AFAP1: variants seen among roughly 807,000 people sequenced by gnomAD.
AFAP1 encodes actin filament associated protein 1.
In AFAP1, 75 loss-of-function variants were observed where a neutral mutation model predicts 93.9. The ratio of observed to expected loss-of-function variants is 0.80; its 90% CI spans 0.66 to 0.97. AFAP1 has a LOEUF of 0.97. Among genes scored for constraint, AFAP1 ranks in the 50% least tolerant of loss-of-function variants. AFAP1 has a pLI of 0.00. For synonymous variants in AFAP1, 517 were observed against 430.7 expected, an observed-to-expected ratio of 1.20 and a Z score of -2.48; for missense variants, 1,201 against 1,050.8, an observed-to-expected ratio of 1.14 and a Z score of -1.98.
chr4:7,867,701 G>A (rs62289333), intron 3 of AFAP1, among the ~76,000 whole-genome samples: 47,075 of 151,986 alleles, frequency 0.31, 8,942 homozygotes, highest in Non-Finnish European at 0.44. Flanking sequence ...GATAAGAAGC[G>A]TTAGGGGTTC....
intron 1 of AFAP1, among the ~76,000 whole-genome samples, chr4:7,925,708 G>A (rs573866976): frequency 6.6e-6 from 1 of 152,180 alleles, no homozygotes; most frequent in African/African-American, 2.4e-5. Flanking sequence ...AGCCAGGCAT[G>A]GTGGCGCATG....
At chr4:7,763,942 A>C (rs1199807529) in intron 17 of AFAP1, 151 bp from the exon 18 acceptor site, 5 of 724,870 alleles carry the variant, frequency 6.9e-6, no homozygotes, top group African/African-American at 1.7e-5. Context: ...CGGCAATTCC[A>C]CTGCTAGGTA....
intron 1 of AFAP1, among the ~76,000 whole-genome samples, chr4:7,884,624 G>A (rs534893558): frequency 6.6e-6 from 1 of 152,122 alleles, no homozygotes; most frequent in East Asian, 1.9e-4. Flanking sequence ...GGGACAACTG[G>A]TAACTATTTG....
At chr4:7,823,485 T>C (rs1721154898) in intron 6 of AFAP1, among the ~76,000 whole-genome samples, 1 of 152,068 alleles carries the variant, frequency 6.6e-6, no homozygotes, top group African/African-American at 2.4e-5. Flanking sequence ...ATCTGGCACA[T>C]ACGCACTTCC....
intron 1 of AFAP1, among the ~76,000 whole-genome samples, chr4:7,873,984 C>T (rs960291263): frequency 6.6e-6 from 1 of 152,198 alleles, no homozygotes; most frequent in South Asian, 2.1e-4. Context: ...TTTGTATCCA[C>T]CCCATAAGAG....
chr4:7,819,773 A>C (rs953201409), intron 6 of AFAP1, among the ~76,000 whole-genome samples: 1 of 152,210 alleles, frequency 6.6e-6, no homozygotes, highest in African/African-American at 2.4e-5. Flanking sequence ...GACAGACCCT[A>C]GGAGCATTTC....
intron 1 of AFAP1, among the ~76,000 whole-genome samples, chr4:7,935,672 T>C (rs1031068050): frequency 1.3e-5 from 2 of 152,168 alleles, no homozygotes; most frequent in Admixed American, 6.5e-5. Flanking sequence ...GTCCTTACTA[T>C]GAAACACTCC....
intron 8 of AFAP1, among the ~76,000 whole-genome samples, chr4:7,812,004 C>T (rs1390442540): frequency 3.3e-5 from 5 of 150,564 alleles, no homozygotes; most frequent in African/African-American, 4.9e-5. Context: ...AGCGCCGAGA[C>T]TGGCTTTCGA....
intron 1 of AFAP1, among the ~76,000 whole-genome samples, chr4:7,878,090 T>G (rs1200341547): frequency 6.6e-6 from 1 of 152,236 alleles, no homozygotes; most frequent in Non-Finnish European, 1.5e-5. Flanking sequence ...GGGAAGAAGT[T>G]CTTGCAACCA....
Position 7,786,198 on chromosome 4 carries a change from C to T in AFAP1, c.1526G>A (p.Gly509Asp). Residue 509 changes from glycine (G) to aspartate (D), a missense_variant, in exon 12 of 18, where the codon GGC (glycine) becomes GAC (aspartate). Physicochemically the swap from Gly to Asp is moderately conservative, Grantham distance 94 (BLOSUM62 -1). Coordinates refer to ENST00000420658, the MANE Select transcript of AFAP1 (RefSeq NM_001134647.2). ...CTCCAAAAAAAGGGCACTCACCGAG[C>T]CGTTGATGCACGGGACATCGTCATA... ...LHYDDVPCIN[G>D]SWEPEDGFPA... The T allele has an allele frequency of 3.1e-6, 5 of 1,613,424 alleles. No individual in the cohort carries two copies. The highest frequency in any genetic ancestry group is 4.2e-6 in the Non-Finnish European group (5 of 1,179,606).
At chr4:7,900,787 T>C (rs1439475574) in intron 1 of AFAP1, among the ~76,000 whole-genome samples, 2 of 152,216 alleles carry the variant, frequency 1.3e-5, no homozygotes, top group Non-Finnish European at 2.9e-5. Context: ...AGCATTGCAA[T>C]AATTCACTGA....
chr4:7,819,711 C>T (rs887610227), intron 6 of AFAP1, among the ~76,000 whole-genome samples: 1 of 152,084 alleles, frequency 6.6e-6, no homozygotes, highest in Admixed American at 6.5e-5. Flanking sequence ...AGAGGGAGAA[C>T]GTGGTAGGAG....
At chr4:7,807,022 A>C (rs987952557) in intron 9 of AFAP1, among the ~76,000 whole-genome samples, 8 of 152,172 alleles carry the variant, frequency 5.3e-5, no homozygotes, top group African/African-American at 1.9e-4. Flanking sequence ...GTTGGGTCAG[A>C]GGCTGTCTCT....
At chr4:7,859,276 G>A (rs1015867550) in intron 3 of AFAP1, among the ~76,000 whole-genome samples, 1 of 152,156 alleles carries the variant, frequency 6.6e-6, no homozygotes, top group Middle Eastern at 3.4e-3. Flanking sequence ...AAAATTAGCC[G>A]AGTGTGGTGG....
chr4:7,772,053 A>C (rs1245152586), intron 16 of AFAP1, among the ~76,000 whole-genome samples: 1 of 152,136 alleles, frequency 6.6e-6, no homozygotes, highest in Non-Finnish European at 1.5e-5. Flanking sequence ...CAGGCTCAGC[A>C]TTTTACTGAG....
Position 7,925,853 on chromosome 4 carries a change from A to AAAAG in AFAP1, c.-3+13799_-3+13802dup, listed in dbSNP as rs113529731. On this transcript the variant is annotated intron_variant, in intron 1 of 17. Coordinates refer to ENST00000420658, the MANE Select transcript of AFAP1 (RefSeq NM_001134647.2). ...AGAGCGAAACTCTGTCTCAAAAAAA[A>AAAAG]AAAGAAAGAAAGAAAGAAAGCAATG... Among the ~76,000 whole-genome samples the AAAAG allele has an allele frequency of 2.0e-3, 298 of 147,272 alleles. 4 individuals carry two copies. Among genetic ancestry groups the AAAAG allele is most frequent in the South Asian group, 3.9e-3 (18 of 4,622 alleles).
intron 1 of AFAP1, among the ~76,000 whole-genome samples, chr4:7,888,993 T>C (rs888689422): frequency 6.6e-6 from 1 of 151,966 alleles, no homozygotes; most frequent in Non-Finnish European, 1.5e-5. Context: ...GGTTTCACCA[T>C]GTTGGCCAGA....
intron 1 of AFAP1, among the ~76,000 whole-genome samples, chr4:7,914,290 G>T (rs192526209): frequency 3.2e-4 from 49 of 152,088 alleles, no homozygotes; most frequent in African/African-American, 8.7e-4. Flanking sequence ...CCTGACCTCA[G>T]GTGATCCACC....
chr4:7,845,354 C>T (rs147448551), intron 4 of AFAP1, among the ~76,000 whole-genome samples: 2,538 of 152,058 alleles, frequency 0.017, 74 homozygotes, highest in African/African-American at 0.058. Context: ...CCCAGGAGTC[C>T]GAGGCTGCAG....
Sources: allele counts gnomAD v4.1 joint callset (sites outside exome capture counted in the v4.1 genomes callset), GRCh38; gene constraint gnomAD v4.1.1; transcripts MANE v1.5; gene names NCBI Gene and HGNC (gene_info 2026-07-23, HGNC 2026-07-21).